Variants in PDSS2 observed in about 807,000 individuals in gnomAD.
PDSS2 encodes decaprenyl diphosphate synthase subunit 2.
Under a neutral mutation model 44.5 loss-of-function variants are expected in PDSS2, and 31 were observed. That is an observed-to-expected ratio of 0.70 (90% CI 0.52 to 0.94). The LOEUF is 0.94. Among genes scored for constraint, PDSS2 ranks in the 40% least tolerant of loss-of-function variants. The pLI is 0.00. For synonymous variants in PDSS2, 157 were observed against 180.3 expected, an observed-to-expected ratio of 0.87 and a Z score of 1.03; for missense variants, 452 against 482.2, an observed-to-expected ratio of 0.94 and a Z score of 0.59.
intron 4 of PDSS2, among the ~76,000 whole-genome samples, chr6:107,227,242 C>G (rs1054384476): frequency 1.4e-5 from 2 of 145,778 alleles, no homozygotes; most frequent in Admixed American, 7.0e-5. Flanking sequence ...CCTGGCCTCC[C>G]AAAGTGCTGG....
At chr6:107,258,583 CCT>C in intron 3 of PDSS2, among the ~76,000 whole-genome samples, 1 of 152,160 alleles carries the variant, frequency 6.6e-6, no homozygotes, top group Admixed American at 6.5e-5. Flanking sequence ...AGGCAGATCA[CCT>C]GAGGTCAGGA....
intron 6 of PDSS2, 22 bp from the exon 7 acceptor site, chr6:107,193,876 T>C: frequency 6.6e-7 from 1 of 1,526,236 alleles, no homozygotes; most frequent in Non-Finnish European, 9.1e-7. Flanking sequence ...GAGGGGAAAA[T>C]TAATTTGTTA....
At chr6:107,178,312 T>C (rs1771863240) in intron 7 of PDSS2, among the ~76,000 whole-genome samples, 1 of 152,198 alleles carries the variant, frequency 6.6e-6, no homozygotes, top group African/African-American at 2.4e-5. Context: ...GAAGAATGTA[T>C]ATTTACTCTG....
chr6:107,228,695 AAAATAAATAAATAAAT>A (rs61470983), intron 4 of PDSS2, among the ~76,000 whole-genome samples: 33 of 141,178 alleles, frequency 2.3e-4, no homozygotes, highest in African/African-American at 8.2e-4. Flanking sequence ...ACTCTATCTC[AAAATAAATAAATAAAT>A]AAATAAATAA....
Position 107,429,917 on chromosome 6 carries a change from T to A in PDSS2, c.296+29073A>T, listed in dbSNP as rs1399946149. Among the ~76,000 whole-genome samples the A allele has an allele frequency of 5.2e-3, 501 of 95,886 alleles. 35 individuals carry two copies. The highest frequency in any genetic ancestry group is 0.015 in the Middle Eastern group (3 of 198). 62.9% of individuals were successfully genotyped at this position (95,886 alleles called of 152,430 possible). On this transcript the variant is annotated intron_variant, in intron 1 of 7. Transcript: ENST00000369037. ...AAAAAAAAAAATATATATATATATA[T>A]ATATATATATATATATATATACACC...
At chr6:107,157,147 C>T (rs1455920346) in intron 7 of PDSS2, among the ~76,000 whole-genome samples, 4 of 152,188 alleles carry the variant, frequency 2.6e-5, no homozygotes, top group African/African-American at 9.6e-5. Flanking sequence ...CAAGCTAGCT[C>T]TTGCTTGGCC....
intron 1 of PDSS2, among the ~76,000 whole-genome samples, chr6:107,447,842 C>T (rs946070669): frequency 1.3e-5 from 2 of 152,248 alleles, no homozygotes; most frequent in Admixed American, 1.3e-4. Flanking sequence ...CATGAGGGCT[C>T]CACCTCTGCA....
intron 1 of PDSS2, among the ~76,000 whole-genome samples, chr6:107,450,001 A>G (rs1460032186): frequency 1.3e-5 from 2 of 152,248 alleles, no homozygotes; most frequent in Non-Finnish European, 2.9e-5. Flanking sequence ...TGCTATGAAC[A>G]TGGGTATACA....
At chr6:107,176,332 C>A (rs1049584961) in intron 7 of PDSS2, among the ~76,000 whole-genome samples, 6 of 151,976 alleles carry the variant, frequency 3.9e-5, no homozygotes, top group Middle Eastern at 3.4e-3. Context: ...TGAGCCCCTG[C>A]GCCCGGCCAA....
chr6:107,334,865 G>A (rs1167895774), intron 1 of PDSS2, among the ~76,000 whole-genome samples: 2 of 152,014 alleles, frequency 1.3e-5, no homozygotes, highest in African/African-American at 4.8e-5. Flanking sequence ...AGTTTTAAAA[G>A]CGACAATCTC....
intron 7 of PDSS2, among the ~76,000 whole-genome samples, chr6:107,183,562 G>A (rs1335955599): frequency 6.6e-6 from 1 of 152,112 alleles, no homozygotes; most frequent in Non-Finnish European, 1.5e-5. Context: ...GCCAGGCGTG[G>A]TGGCAGGCGC....
intron 1 of PDSS2, among the ~76,000 whole-genome samples, chr6:107,372,796 G>C (rs185312538): frequency 6.6e-5 from 10 of 152,030 alleles, no homozygotes; most frequent in African/African-American, 2.2e-4. Flanking sequence ...TTCTATATTA[G>C]AGAGTTTAAA....
At chr6:107,215,368 G>T (rs560759373) in intron 4 of PDSS2, among the ~76,000 whole-genome samples, 5 of 152,130 alleles carry the variant, frequency 3.3e-5, no homozygotes, top group Non-Finnish European at 7.4e-5. Flanking sequence ...GTCCAGCCTG[G>T]ATGACGCAGT....
chr6:107,154,910 T>A lies in PDSS2; in HGVS notation c.1042-133A>T, dbSNP rs1770829398. The A allele has an allele frequency of 8.4e-6, 7 of 836,652 alleles. No individual in the cohort carries two copies. The South Asian group carries it at 8.8e-5, about 10-fold the overall frequency. The allele number at this position is 836,652 out of a possible 1,614,324, so 51.8% of individuals were successfully genotyped here. ...TAGATTGAGTATTTCTGCTACGTTA[T>A]TTTCTGGAAAAGAGGACATCATTTC... On this transcript the variant is annotated intron_variant, in intron 7 of 7. Transcript: ENST00000369037.
intron 1 of PDSS2, among the ~76,000 whole-genome samples, chr6:107,372,096 A>C (rs1779143033): frequency 6.6e-6 from 1 of 152,230 alleles, no homozygotes; most frequent in South Asian, 2.1e-4. Context: ...ATTAAGGAGA[A>C]AGTAATAACC....
intron 1 of PDSS2, among the ~76,000 whole-genome samples, chr6:107,393,874 T>G (rs1562509912): frequency 1.3e-5 from 2 of 152,212 alleles, no homozygotes; most frequent in Non-Finnish European, 2.9e-5. Context: ...GAAGTCTGCT[T>G]TGAGATTAAT....
rs200386735 is a variant in PDSS2 at position 107,334,253 on chromosome 6, T to C, written c.376A>G (p.Ser126Gly). The change falls in exon 2 of 8, where the codon AGC becomes GGC. Residue 126 changes from serine to glycine, a missense_variant. Transcript: ENST00000369037. ...TTCTGACATGAAGTGTTCACGCTGC[T>C]GGGCCCAGCTGCTTTAGAGATAAGG... ...VLLISKAAGPSSVNTSCQNYD... is the reference protein window; with the variant it reads ...VLLISKAAGPGSVNTSCQNYD... 1.4e-5 allele frequency: 22 copies of C among 1,613,754 alleles called. No individual in the cohort carries two copies. In the African/African-American group the frequency reaches 2.7e-4, roughly 20 times the overall value.
chr6:107,325,516 T>C (rs184033945), intron 2 of PDSS2, among the ~76,000 whole-genome samples: 62 of 152,308 alleles, frequency 4.1e-4, no homozygotes, highest in Non-Finnish European at 6.9e-4. Flanking sequence ...AAAAAGCTAA[T>C]CTAAAGATAG....
At chr6:107,375,965 TGATAA>T (rs143298359) in intron 1 of PDSS2, among the ~76,000 whole-genome samples, 7,071 of 152,244 alleles carry the variant, frequency 0.046, 318 homozygotes, top group African/African-American at 0.12. Context: ...CATCCATTTA[TGATAA>T]AAGACAGTAC....
Sources: allele counts gnomAD v4.1 joint callset (sites outside exome capture counted in the v4.1 genomes callset), GRCh38; gene constraint gnomAD v4.1.1; transcripts MANE v1.5; gene names NCBI Gene and HGNC (gene_info 2026-07-23, HGNC 2026-07-21).